Variants in PDXK observed in about 807,000 individuals in gnomAD.
PDXK encodes the protein epididymis secretory sperm binding protein Li 1a.
PDXK carries 15 observed loss-of-function variants against 43.2 expected under a neutral mutation model. The observed-to-expected ratio is 0.35, with a 90% CI of 0.23 to 0.53. The LOEUF is 0.53. PDXK is among the 20% of genes least tolerant of loss of function. The pLI is 0.92. For synonymous variants in PDXK, 172 were observed against 165.4 expected (o/e 1.04, Z -0.31); for missense variants, 343 against 417.0 (o/e 0.82, Z 1.54).
intron 2 of PDXK, among the ~76,000 whole-genome samples, chr21:43,739,337 T>C (rs936763095): frequency 6.6e-6 from 1 of 152,172 alleles, no homozygotes; most frequent in Non-Finnish European, 1.5e-5. Flanking sequence ...CTTTATGAAC[T>C]CTTAACCTGT....
intron 5 of PDXK, among the ~76,000 whole-genome samples, chr21:43,746,560 A>G (rs1656010943): frequency 6.6e-6 from 1 of 152,122 alleles, no homozygotes; most frequent in Non-Finnish European, 1.5e-5. Context: ...AGCTGGAATT[A>G]CAGGTGCACA....
At chr21:43,741,857 C>A (rs2083539319) in intron 3 of PDXK, 86 bp downstream of exon 3, 3 of 850,508 alleles carry the variant, frequency 3.5e-6, no homozygotes, top group Non-Finnish European at 5.8e-6. Flanking sequence ...CACCCCCGCC[C>A]TGGGCCTGTC....
chr21:43,737,860 TG>T lies in PDXK; in HGVS notation c.142+3739del, dbSNP rs1277639581. On this transcript the variant is annotated intron_variant, in intron 2 of 10. Coordinates refer to ENST00000291565, the MANE Select transcript of PDXK (RefSeq NM_003681.5). The surrounding 1 kb of genome is among the most constrained non-coding windows in gnomAD (Gnocchi z 4.8). ...TTTTTCATCTGTAAATGGAATGAGT[TG>T]GACACAAGATCCAAGCGCCCTCCCC... 1 of 985,364 alleles carries T rather than the reference TG, an allele frequency of 1.0e-6. No individual in the cohort carries two copies. The highest frequency in any genetic ancestry group is 1.7e-5 in the African/African-American group (1 of 57,242). The allele number at this position is 985,364 out of a possible 1,614,324, so 61.0% of individuals were successfully genotyped here.
rs1487560218 is a variant in PDXK, at chr21:43,723,104, C to T, written c.87+3723C>T. Among the ~76,000 whole-genome samples the T allele has an allele frequency of 6.6e-6, 1 of 151,664 alleles. No individual in the cohort carries two copies. Among genetic ancestry groups the T allele is most frequent in the African/African-American group, 2.4e-5 (1 of 41,278 alleles). On this transcript the variant is annotated intron_variant, in intron 1 of 10. Transcript: ENST00000291565. This position sits in a 1 kb window ranked among gnomAD's most constrained non-coding sequence, Gnocchi z 4.1. The stretch of plus-strand genomic sequence containing the variant: ...CCGCCCACCTCGGCCTCCCAAAGTA[C>T]TGGGATTACAGGCATGGGGCCACCA...
At chr21:43,738,197 G>A in intron 2 of PDXK, 1 of 227,268 alleles carries the variant, frequency 4.4e-6, no homozygotes, top group Non-Finnish European at 7.3e-6. Context: ...GCTCTGGGTG[G>A]GCCCTGATCC....
Position 43,737,390 on chromosome 21 carries a change from C to G in PDXK, c.142+3267C>G, listed in dbSNP as rs2083423598. 8.5e-7 allele frequency: 1 copy of G among 1,179,248 alleles called. No individual in the cohort carries two copies. Among genetic ancestry groups the G allele is most frequent in the Admixed American group, 4.4e-5 (1 of 22,592 alleles). 73.0% of individuals were successfully genotyped at this position (1,179,248 alleles called of 1,614,324 possible). A position where few individuals can be genotyped will look rare whatever the true frequency, so the allele number is the denominator to read the frequency against. ...TGCGTTCATTTTTCCACACCGTGAG[C>G]TGGGCTTGGCAGAGCCTCCACCTTG... On this transcript the variant is annotated intron_variant, in intron 2 of 10. Coordinates refer to ENST00000291565, the MANE Select transcript of PDXK (RefSeq NM_003681.5). This position sits in a 1 kb window ranked among gnomAD's most constrained non-coding sequence, Gnocchi z 4.8.
At chr21:43,740,761 C>G (rs537982925) in intron 2 of PDXK, among the ~76,000 whole-genome samples, 1 of 151,854 alleles carries the variant, frequency 6.6e-6, no homozygotes, top group African/African-American at 2.4e-5. Context: ...TGGGCTGAGG[C>G]CTCTTTCTCA....
At position 43,758,864 on chromosome 21, in the gene PDXK, C is replaced by T. The variant is rs1352101464; in HGVS notation, c.*2801C>T. 2.0e-5 allele frequency: 3 copies of T among 152,168 alleles called. No individual in the cohort carries two copies. The highest frequency in any genetic ancestry group is 2.9e-5 in the Non-Finnish European group (2 of 68,028). The allele number at this position is 152,168 out of a possible 1,614,324, so 9.4% of individuals were successfully genotyped here. On this transcript the variant is annotated 3_prime_UTR_variant, in exon 11 of 11. Coordinates refer to ENST00000291565, the MANE Select transcript of PDXK (RefSeq NM_003681.5). ...TCCACAATAGGATCCTTTTTAAAAT[C>T]GATTTTAAATTGTTGCCTAGTCCTG...
At chr21:43,755,248 C>T (rs570673013) in intron 9 of PDXK, among the ~76,000 whole-genome samples, 176 of 151,452 alleles carry the variant, frequency 1.2e-3, no homozygotes, top group African/African-American at 3.9e-3. Context: ...GACTCTGAGG[C>T]ATCACTGAGT....
At chr21:43,740,253 G>C (rs890193613) in intron 2 of PDXK, among the ~76,000 whole-genome samples, 13 of 152,092 alleles carry the variant, frequency 8.5e-5, no homozygotes, top group African/African-American at 3.1e-4. Flanking sequence ...TCCAGCGGGA[G>C]CCAGCGACTG....
chr21:43,753,538 G>A, intron 8 of PDXK, 45 bp from the exon 9 acceptor site: 1 of 1,577,822 alleles, frequency 6.3e-7, no homozygotes, highest in Non-Finnish European at 8.6e-7. Flanking sequence ...GGCCCTGGCA[G>A]AGGAGCGGCA....
rs2083851957 is a variant in PDXK, at chr21:43,756,388, G to A, written c.*325G>A. On this transcript the variant is annotated 3_prime_UTR_variant, in exon 11 of 11. Transcript: ENST00000291565. ...GTGGGTGAGGCCGAGCCTGCTGCGT[G>A]TGGAGCCTCGAGTGGGCCCTGGCTG... 2 of 271,942 alleles carry A rather than the reference G, an allele frequency of 7.4e-6. No individual in the cohort carries two copies. The highest frequency in any genetic ancestry group is 7.3e-6 in the Non-Finnish European group (1 of 137,216). The allele number at this position is 271,942 out of a possible 1,614,324, so 16.8% of individuals were successfully genotyped here. A position where few individuals can be genotyped will look rare whatever the true frequency, so the allele number is the denominator to read the frequency against.
In PDXK at chr21:43,734,764, G is replaced by A. The variant is rs536122080; in HGVS notation, c.142+641G>A. ...CATGCCCCCAGCCCCATGGCCTGGG[G>A]GTGGAGGTGCGTGGAGTCCCCCCTC... On this transcript the variant is annotated intron_variant, in intron 2 of 10. Transcript: ENST00000291565. This position sits in a 1 kb window ranked among gnomAD's most constrained non-coding sequence, Gnocchi z 5.0. 1.8e-4 allele frequency among the ~76,000 whole-genome samples: 27 copies of A among 152,248 alleles called. No homozygotes were observed. In the East Asian group the frequency reaches 5.2e-3, roughly 29 times the overall value.
chr21:43,745,847 G>A (rs924177751), intron 4 of PDXK: 27 of 564,410 alleles, frequency 4.8e-5, no homozygotes, highest in Non-Finnish European at 7.1e-5. Flanking sequence ...TCATTTAAAA[G>A]CTAGCTGGGT....
At chr21:43,755,532 G>A (rs1253836915) in intron 9 of PDXK, 166 bp from the exon 10 acceptor site, 3 of 656,080 alleles carry the variant, frequency 4.6e-6, no homozygotes, top group South Asian at 1.7e-5. Flanking sequence ...TGGGCAGTCC[G>A]CAGCCTGTCC....
chr21:43,722,546 T>G (rs743463), intron 1 of PDXK, among the ~76,000 whole-genome samples: 86,041 of 152,122 alleles, frequency 0.57, 25,091 homozygotes, highest in East Asian at 0.75. Flanking sequence ...CAAACCAGGT[T>G]GCTCATTGTA....
chr21:43,736,204 C>G (rs2083398685), intron 2 of PDXK, among the ~76,000 whole-genome samples: 1 of 152,218 alleles, frequency 6.6e-6, no homozygotes, highest in East Asian at 1.9e-4. Flanking sequence ...CTCCAGGAAG[C>G]ATTTTACTGG....
rs141499113 is a variant in PDXK, at chr21:43,734,089, C to A, written c.108C>A (p.Asp36Glu). 1.2e-5 allele frequency: 20 copies of A among 1,614,070 alleles called. No individual in the cohort carries two copies. Among genetic ancestry groups the A allele is most frequent in the Non-Finnish European group, 1.6e-5 (19 of 1,180,028 alleles). The change falls in exon 2 of 11, where the codon GAC becomes GAA. Residue 36 changes from aspartate to glutamate, a missense_variant. By Grantham distance (45) the Asp-to-Glu change is conservative (BLOSUM62 2). Coordinates refer to ENST00000291565, the MANE Select transcript of PDXK (RefSeq NM_003681.5). This position sits in a 1 kb window ranked among gnomAD's most constrained non-coding sequence, Gnocchi z 5.0. ...FPLQVLGFEI[D>E]AVNSVQFSNH... Reference sequence around the variant, plus strand: ...TGCAGGTTTTGGGATTTGAGATTGACGCGGTGAACTCTGTCCAGTTTTCAA... The same window carrying A: ...TGCAGGTTTTGGGATTTGAGATTGAAGCGGTGAACTCTGTCCAGTTTTCAA...
chr21:43,720,519 G>GT (rs1298646609), intron 1 of PDXK, among the ~76,000 whole-genome samples: 1 of 152,232 alleles, frequency 6.6e-6, no homozygotes, highest in Non-Finnish European at 1.5e-5. Flanking sequence ...TCCGAAGTAA[G>GT]TGGAGGTCCT....
Sources: allele counts gnomAD v4.1 joint callset (sites outside exome capture counted in the v4.1 genomes callset), GRCh38; gene constraint gnomAD v4.1.1; non-coding constraint Gnocchi (gnomAD v3.1); transcripts MANE v1.5; gene names NCBI Gene and HGNC (gene_info 2026-07-23, HGNC 2026-07-21).